Variants in TSPOAP1 observed in about 807,000 individuals in gnomAD.
TSPOAP1 encodes TSPO associated protein 1, also known as peripheral-type benzodiazepine receptor-associated protein 1.
In TSPOAP1, 87 loss-of-function variants were observed where a neutral mutation model predicts 197.0. The observed-to-expected ratio is 0.44, with a 90% CI of 0.37 to 0.53. The LOEUF is 0.53. TSPOAP1 is among the 20% of genes least tolerant of loss of function. The pLI is 0.00. For missense variants in TSPOAP1, 2,174 were observed against 2,411.3 expected, an observed-to-expected ratio of 0.90 and a Z score of 2.06; for synonymous variants, 913 against 998.9, an observed-to-expected ratio of 0.91 and a Z score of 1.62.
At chr17:58,303,079 AC>A (rs1230561633) in intron 31 of TSPOAP1, 1 of 152,382 alleles carries the variant, frequency 6.6e-6, no homozygotes. Flanking sequence ...CTCAGCCCCC[AC>A]CACAGGCTCT....
In TSPOAP1 at chr17:58,325,597, C is replaced by T. The variant is rs149884482; in HGVS notation, c.687G>A (p.Lys229=). The change falls in exon 4 of 32, where the codon AAG becomes AAA. Residue 229 remains lysine (K), a synonymous_variant. Coordinates refer to ENST00000343736, the MANE Select transcript of TSPOAP1 (RefSeq NM_004758.4). ...ETASALLAKD[K]QIAALQRECR... ...ACTCCCGCTGCAAGGCAGCAATCTG[C>T]TTGTCCTTGGCCAGCAGTGCACTGG... 10 of 1,613,616 alleles carry T rather than the reference C, an allele frequency of 6.2e-6. No homozygotes were observed. The African/African-American group carries it at 1.3e-4, about 21-fold the overall frequency.
rs1971127136 is a variant in TSPOAP1, at chr17:58,313,367, C to T, written c.2099-645G>A. ...GTGGCTTATGCCTGTAATCCCAGCA[C>T]TTCAGGAGGATGAGGCAGGCAGATC... On this transcript the variant is annotated intron_variant, in intron 16 of 31. Coordinates refer to ENST00000343736, the MANE Select transcript of TSPOAP1 (RefSeq NM_004758.4). Among the ~76,000 whole-genome samples the T allele has an allele frequency of 2.0e-5, 3 of 152,196 alleles. 1 individual carries two copies. In the Middle Eastern group the frequency reaches 0.01, roughly 518 times the overall value.
In TSPOAP1 at chr17:58,308,681, C is replaced by T. The variant is rs200562777; in HGVS notation, c.4591G>A (p.Ala1531Thr). The change falls in exon 22 of 32, where the codon GCA (alanine) becomes ACA (threonine). Residue 1531 changes from alanine to threonine, a missense_variant. Physicochemically the swap from Ala to Thr is moderately conservative, Grantham distance 58. Around this residue, in one of 5 missense-constraint regions of TSPOAP1, gnomAD observed 1,933 missense variants for 2,139.0 expected, o/e 0.90. Transcript: ENST00000343736. ...YPGDGEAWGT[A>T]TVGRPRGPPK... is the part of the protein sequence containing the mutation. Reference sequence around the variant, plus strand: ...GGCCCCCTGGGCCTTCCTACAGTTGCTGTGCCCCAGGCCTCCCCATCTCCA... The same window carrying T: ...GGCCCCCTGGGCCTTCCTACAGTTGTTGTGCCCCAGGCCTCCCCATCTCCA... 167 of 1,612,636 alleles carry T rather than the reference C, an allele frequency of 1.0e-4. No homozygotes were observed. Among genetic ancestry groups the T allele is most frequent in the Admixed American group, 5.3e-4 (32 of 59,990 alleles).
chr17:58,325,466 C>T, intron 4 of TSPOAP1, 68 bp downstream of exon 4: 1 of 1,585,490 alleles, frequency 6.3e-7, no homozygotes, highest in Non-Finnish European at 8.6e-7. Flanking sequence ...ATCTTGTCTG[C>T]ATCCCACAAC....
chr17:58,318,196 G>A, intron 14 of TSPOAP1, 84 bp downstream of exon 14: 1 of 1,480,228 alleles, frequency 6.8e-7, no homozygotes, highest in Non-Finnish European at 9.1e-7. Context: ...CAACTCCTGG[G>A]GACCCCAGAA....
Position 58,325,708 on chromosome 17 carries a change from A to G in TSPOAP1, c.576T>C (p.Ser192=). 6 of 1,607,156 alleles carry G rather than the reference A, an allele frequency of 3.7e-6. No homozygotes were observed. The highest frequency in any genetic ancestry group is 5.1e-6 in the Non-Finnish European group (6 of 1,177,132). ...KLQETNLRVV[S]APLPRPGTSL... ...TGGTCCCCGGCCGGGGCAAGGGGGC[A>G]CTCACCTAGCCAGAGGAGGGGTAAG... Residue 192 remains serine, a synonymous_variant, in exon 4 of 32, where the codon AGT becomes AGC. Coordinates refer to ENST00000343736, the MANE Select transcript of TSPOAP1 (RefSeq NM_004758.4).
At chr17:58,323,682 AG>A in intron 5 of TSPOAP1, 137 bp from the exon 6 acceptor site, 2 of 849,472 alleles carry the variant, frequency 2.4e-6, no homozygotes, top group Non-Finnish European at 3.6e-6. Flanking sequence ...AAGAGCAAAG[AG>A]GGGTACTGTC....
chr17:58,328,544 G>T lies in TSPOAP1; in HGVS notation c.-624C>A, dbSNP rs369449561. On this transcript the variant is annotated 5_prime_UTR_variant, in exon 1 of 32. Coordinates refer to ENST00000343736, the MANE Select transcript of TSPOAP1 (RefSeq NM_004758.4). The surrounding 1 kb of genome is among the most constrained non-coding windows in gnomAD (Gnocchi z 4.3). ...GCCGTCTGTCGCAACCCCTCAGCCC[G>T]GCCAGAGGCTTCAGGAGCTGCTGGG... is the stretch of plus-strand genomic sequence containing the variant. The T allele has an allele frequency of 2.6e-5, 4 of 153,862 alleles. No homozygotes were observed. Among genetic ancestry groups the T allele is most frequent in the African/African-American group, 7.2e-5 (3 of 41,422 alleles). 9.5% of individuals were successfully genotyped at this position (153,862 alleles called of 1,614,324 possible).
chr17:58,307,797 A>T (rs1207457985), intron 23 of TSPOAP1, 35 bp from the exon 24 acceptor site: 1 of 1,613,620 alleles, frequency 6.2e-7, no homozygotes, highest in Non-Finnish European at 8.5e-7. Context: ...TGACGCAGCG[A>T]GCTCTGGCCG....
rs1567836980 is a variant in TSPOAP1, at chr17:58,304,375, A to G, written c.5569T>C (p.Cys1857Arg). ...SQRTRRRRVQC is the reference protein window; with the variant it reads ...SQRTRRRRVQR ...CTACATATATCTATCTCCATCTAGCACTGGACTCTTCTCCTCCTCGTTCTC... is the reference window on the plus strand; with the variant it reads ...CTACATATATCTATCTCCATCTAGCGCTGGACTCTTCTCCTCCTCGTTCTC... The change falls in exon 31 of 32, where the codon TGC (cysteine) becomes CGC (arginine). Residue 1857 changes from cysteine to arginine, a missense_variant. By Grantham distance (180) the Cys-to-Arg change is radical. Transcript: ENST00000343736. The surrounding 1 kb of genome is among the most constrained non-coding windows in gnomAD (Gnocchi z 4.2). 10 of 1,613,918 alleles carry G rather than the reference A, an allele frequency of 6.2e-6. No individual in the cohort carries two copies. The highest frequency in any genetic ancestry group is 8.5e-6 in the Non-Finnish European group (10 of 1,179,806).
intron 14 of TSPOAP1, among the ~76,000 whole-genome samples, chr17:58,316,939 A>G (rs560932977): frequency 1.3e-5 from 2 of 152,232 alleles, no homozygotes; most frequent in Non-Finnish European, 2.9e-5. Context: ...GCTCGCGCCT[A>G]TAATTCCAGC....
At position 58,322,384 on chromosome 17, in the gene TSPOAP1, T is replaced by G; in HGVS notation, c.1346A>C (p.Gln449Pro). ...CTGTTCATGCTCCACCTCCAGCTGC[T>G]GCCGCCGCTGGGCCACCTCCCGCAT... is the stretch of plus-strand genomic sequence containing the variant. ...KHMREVAQRRQQLEVEHEQAR... is the reference protein window; with the variant it reads ...KHMREVAQRRPQLEVEHEQAR... The change falls in exon 10 of 32, where the codon CAG becomes CCG. Residue 449 changes from glutamine (Q) to proline (P), a missense_variant. Coordinates refer to ENST00000343736, the MANE Select transcript of TSPOAP1 (RefSeq NM_004758.4). The surrounding 1 kb of genome is among the most constrained non-coding windows in gnomAD (Gnocchi z 5.0). 1 of 1,606,342 alleles carries G rather than the reference T, an allele frequency of 6.2e-7. No individual in the cohort carries two copies. Among genetic ancestry groups the G allele is most frequent in the Non-Finnish European group, 8.5e-7 (1 of 1,179,974 alleles).
chr17:58,313,137 T>C (rs1971121728), intron 16 of TSPOAP1, among the ~76,000 whole-genome samples: 1 of 152,240 alleles, frequency 6.6e-6, no homozygotes, highest in Non-Finnish European at 1.5e-5. Flanking sequence ...ATCATAATGC[T>C]TTTAAAATCA....
Position 58,308,898 on chromosome 17 carries a change from G to A in TSPOAP1, c.4374C>T (p.Pro1458=), listed in dbSNP as rs531777474. 1.3e-6 allele frequency: 2 copies of A among 1,597,988 alleles called. No individual in the cohort carries two copies. Among genetic ancestry groups the A allele is most frequent in the Admixed American group, 1.7e-5 (1 of 58,260 alleles). ...ERGGLPVIEG[P]RTGLEASGRG... ...TCCCGCTAGCCTCTAGTCCAGTCCT[G>A]GGGCCCTCAATTACGGGGAGGCCAC... Residue 1458 remains proline, a synonymous_variant, in exon 22 of 32, where the codon CCC becomes CCT. Transcript: ENST00000343736.
intron 10 of TSPOAP1, among the ~76,000 whole-genome samples, chr17:58,321,031 G>T (rs1401280916): frequency 6.6e-6 from 1 of 152,066 alleles, no homozygotes; most frequent in African/African-American, 2.4e-5. Context: ...CACACTGGTG[G>T]CTCCAAATAT....
In TSPOAP1 at chr17:58,309,443, A is replaced by G. The variant is rs902951057; in HGVS notation, c.3892-63T>C. On this transcript the variant is annotated intron_variant, in intron 21 of 31. Coordinates refer to ENST00000343736, the MANE Select transcript of TSPOAP1 (RefSeq NM_004758.4). The surrounding 1 kb of genome is among the most constrained non-coding windows in gnomAD (Gnocchi z 5.0). ...GGAAGAGAGATGCGTGGGGAAGAGGAGAGCGAGCTGCGATCTTTGCCCTCA... is the reference window on the plus strand; with the variant it reads ...GGAAGAGAGATGCGTGGGGAAGAGGGGAGCGAGCTGCGATCTTTGCCCTCA... The G allele has an allele frequency of 1.4e-5, 21 of 1,534,162 alleles. No homozygotes were observed. Among genetic ancestry groups the G allele is most frequent in the Admixed American group, 1.9e-5 (1 of 53,504 alleles).
intron 16 of TSPOAP1, among the ~76,000 whole-genome samples, chr17:58,314,848 T>A (rs557688904): frequency 6.6e-6 from 1 of 152,344 alleles, no homozygotes; most frequent in South Asian, 2.1e-4. Flanking sequence ...CAGAAGCCCA[T>A]GCAGCTGAGA....
chr17:58,328,271 G>A lies in TSPOAP1; in HGVS notation c.-351C>T, dbSNP rs1400904431. ...TGTGTGTGTCTCCAGGTCTGTCCGT[G>A]CAGGTCAATGCTGTCTCATGTGTTG... On this transcript the variant is annotated 5_prime_UTR_variant, in exon 1 of 32. Coordinates refer to ENST00000343736, the MANE Select transcript of TSPOAP1 (RefSeq NM_004758.4). This position sits in a 1 kb window ranked among gnomAD's most constrained non-coding sequence, Gnocchi z 4.3. The A allele has an allele frequency of 1.5e-5, 5 of 336,478 alleles. No homozygotes were observed. The highest frequency in any genetic ancestry group is 3.8e-5 in the South Asian group (1 of 26,528). The allele number at this position is 336,478 out of a possible 1,614,324, so 20.8% of individuals were successfully genotyped here.
Position 58,311,068 on chromosome 17 carries a change from G to A in TSPOAP1, c.3227C>T (p.Pro1076Leu), listed in dbSNP as rs1971064808. The change falls in exon 19 of 32, where the codon CCC becomes CTC. Residue 1076 changes from proline to leucine, a missense_variant. This residue lies in a region of TSPOAP1 where 1,933 missense variants were observed against 2,139.0 expected (regional missense o/e 0.90). Transcript: ENST00000343736. ...TGGCAGGCTGGCCGGAGCCAGGGCGGGAGTGATAGGAGCCGGGATGGAGTC... is the reference window on the plus strand; with the variant it reads ...TGGCAGGCTGGCCGGAGCCAGGGCGAGAGTGATAGGAGCCGGGATGGAGTC... ...SADSIPAPIT[P>L]ALAPASLPAR... is the part of the protein sequence containing the mutation. The A allele has an allele frequency of 6.3e-7, 1 of 1,578,950 alleles. No homozygotes were observed. Among genetic ancestry groups the A allele is most frequent in the Non-Finnish European group, 8.6e-7 (1 of 1,162,790 alleles).
Sources: allele counts gnomAD v4.1 joint callset (sites outside exome capture counted in the v4.1 genomes callset), GRCh38; gene constraint gnomAD v4.1.1; regional missense constraint gnomAD v4.1.1; non-coding constraint Gnocchi (gnomAD v3.1); transcripts MANE v1.5; gene names NCBI Gene and HGNC (gene_info 2026-07-23, HGNC 2026-07-21).